The following FHIT variants were observed in gnomAD, a reference collection of about 807,000 sequenced individuals.
The protein encoded by FHIT is fragile histidine triad diadenosine triphosphatase.
A neutral mutation model predicts 17.9 loss-of-function variants in FHIT; 19 were observed. The ratio of observed to expected loss-of-function variants is 1.06; its 90% CI spans 0.74 to 1.56. The LOEUF (loss-of-function observed/expected upper bound fraction) is 1.56. Among genes scored for constraint, FHIT ranks in the 40% most tolerant of loss-of-function variants. The pLI is 0.00. For synonymous variants in FHIT, 81 were observed against 69.7 expected (o/e 1.16, Z -0.81); for missense variants, 248 against 189.2 (o/e 1.31, Z -1.82).
At chr3:60,331,223 C>T (rs1188990322) in intron 5 of FHIT, among the ~76,000 whole-genome samples, 4 of 152,170 alleles carry the variant, frequency 2.6e-5, no homozygotes, top group Non-Finnish European at 4.4e-5. Flanking sequence ...TTTCTTTACT[C>T]ATCCATCAGC....
chr3:59,761,397 C>T (rs1342441259), intron 8 of FHIT, among the ~76,000 whole-genome samples: 1 of 152,150 alleles, frequency 6.6e-6, no homozygotes, highest in African/African-American at 2.4e-5. Context: ...CCAGTGGATG[C>T]CTGAAACCAG....
At chr3:61,015,029 T>C (rs1325392130) in intron 3 of FHIT, among the ~76,000 whole-genome samples, 1 of 151,636 alleles carries the variant, frequency 6.6e-6, no homozygotes, top group African/African-American at 2.4e-5. Flanking sequence ...GGTTACTAGA[T>C]AAGGTACTTT....
intron 8 of FHIT, among the ~76,000 whole-genome samples, chr3:59,840,909 T>C (rs1701511131): frequency 6.6e-6 from 1 of 152,174 alleles, no homozygotes; most frequent in African/African-American, 2.4e-5. Flanking sequence ...TAGCAGGGTG[T>C]ACATCATTTA....
chr3:60,963,656 C>T (rs1553781982), intron 3 of FHIT, among the ~76,000 whole-genome samples: 1 of 152,184 alleles, frequency 6.6e-6, no homozygotes, highest in African/African-American at 2.4e-5. Context: ...TTTCAAAGAA[C>T]ATCTTTTTTT....
chr3:61,156,897 G>A (rs978374078), intron 2 of FHIT, among the ~76,000 whole-genome samples: 1 of 152,066 alleles, frequency 6.6e-6, no homozygotes, highest in African/African-American at 2.4e-5. Context: ...CAATCCTCTA[G>A]AGATTCTCCT....
intron 3 of FHIT, among the ~76,000 whole-genome samples, chr3:60,822,858 C>A (rs1559749605): frequency 6.6e-6 from 1 of 152,182 alleles, no homozygotes; most frequent in Non-Finnish European, 1.5e-5. Flanking sequence ...TGACAATGCA[C>A]TAATCCCCTA....
intron 8 of FHIT, among the ~76,000 whole-genome samples, chr3:59,867,211 G>C (rs1702695463): frequency 6.7e-6 from 1 of 149,812 alleles, no homozygotes; most frequent in Non-Finnish European, 1.5e-5. Flanking sequence ...GTCATTAGTG[G>C]TAGTTTATGA....
Position 60,269,459 on chromosome 3 carries a change from G to C in FHIT, c.104-255307C>G, listed in dbSNP as rs114723601. ...ATCTTGGTATTTTCCAGTGAGTTAT[G>C]ACTGCACTATGGGATACTACTTCCT... is the stretch of plus-strand genomic sequence containing the variant. On this transcript the variant is annotated intron_variant, in intron 5 of 9. Transcript: ENST00000492590. 5.5e-3 allele frequency among the ~76,000 whole-genome samples: 845 copies of C among 152,300 alleles called. 5 individuals carry two copies. Among genetic ancestry groups the C allele is most frequent in the African/African-American group, 0.019 (777 of 41,568 alleles).
chr3:61,058,615 G>A (rs1277744671), intron 2 of FHIT, among the ~76,000 whole-genome samples: 2 of 152,142 alleles, frequency 1.3e-5, no homozygotes, highest in Non-Finnish European at 2.9e-5. Context: ...CTCCCACCAT[G>A]TAAGAGGTGC....
At chr3:61,020,456 G>A (rs1434126014) in intron 3 of FHIT, among the ~76,000 whole-genome samples, 4 of 152,106 alleles carry the variant, frequency 2.6e-5, no homozygotes, top group African/African-American at 9.7e-5. Flanking sequence ...CTGATGGATA[G>A]ATTGCAAAGA....
intron 5 of FHIT, among the ~76,000 whole-genome samples, chr3:60,141,299 T>C (rs6787664): frequency 0.2 from 30,305 of 151,682 alleles, 4,665 homozygotes; most frequent in East Asian, 0.59. Context: ...GAATTACAAT[T>C]GTTCTGAAAG....
intron 5 of FHIT, among the ~76,000 whole-genome samples, chr3:60,143,923 G>T (rs1700134093): frequency 1.3e-5 from 2 of 152,166 alleles, no homozygotes; most frequent in Non-Finnish European, 2.9e-5. Flanking sequence ...TAACTGGGAG[G>T]TGGGGTAGGG....
At chr3:60,556,437 C>A (rs747031747) in intron 4 of FHIT, among the ~76,000 whole-genome samples, 1 of 152,168 alleles carries the variant, frequency 6.6e-6, no homozygotes, top group Non-Finnish European at 1.5e-5. Flanking sequence ...CCTTTCACAG[C>A]AACAAGAGCC....
At chr3:60,960,532 C>T (rs1709372307) in intron 3 of FHIT, among the ~76,000 whole-genome samples, 1 of 152,176 alleles carries the variant, frequency 6.6e-6, no homozygotes, top group South Asian at 2.1e-4. Flanking sequence ...ATTAACTCAT[C>T]ATTTACATTA....
chr3:60,868,652 G>T (rs1250551119), intron 3 of FHIT, among the ~76,000 whole-genome samples: 1 of 152,130 alleles, frequency 6.6e-6, no homozygotes, highest in Non-Finnish European at 1.5e-5. Context: ...TGAATGAGTA[G>T]TAAATGGTCT....
intron 5 of FHIT, among the ~76,000 whole-genome samples, chr3:60,183,994 T>A (rs1234853494): frequency 3.4e-5 from 2 of 58,572 alleles, no homozygotes; most frequent in Non-Finnish European, 7.3e-5. Context: ...TTAATTTATT[T>A]TTCGTTTTTT....
Position 60,831,794 on chromosome 3 carries a change from A to AT in FHIT, c.-110-9784dup, listed in dbSNP as rs568341677. ...AGTGATGGGTTAGGATTCAAACACG[A>AT]TTTTTTTGGACCCCAGAGCCCAACC... is the stretch of plus-strand genomic sequence containing the variant. On this transcript the variant is annotated intron_variant, in intron 3 of 9. Transcript: ENST00000492590. Among the ~76,000 whole-genome samples the AT allele has an allele frequency of 2.0e-4, 30 of 152,154 alleles. No homozygotes were observed. The South Asian group carries it at 6.2e-3, about 32-fold the overall frequency.
intron 1 of FHIT, among the ~76,000 whole-genome samples, chr3:61,242,990 A>C (rs1200605089): frequency 6.6e-6 from 1 of 152,098 alleles, no homozygotes; most frequent in Non-Finnish European, 1.5e-5. Flanking sequence ...TAATTTCTAA[A>C]CTTGTGGCTA....
chr3:61,125,552 A>C (rs1576061336), intron 2 of FHIT, among the ~76,000 whole-genome samples: 1 of 152,354 alleles, frequency 6.6e-6, no homozygotes, highest in African/African-American at 2.4e-5. Context: ...AATGTCCCAG[A>C]AACTTTGCAA....
Sources: gnomAD v4.1 joint callset for allele counts (sites outside exome capture counted in the v4.1 genomes callset) on GRCh38, gnomAD v4.1.1 for gene constraint, MANE v1.5 for transcripts, NCBI Gene and HGNC (gene_info 2026-07-23, HGNC 2026-07-21) for gene names.